Variants in NPTN observed in about 807,000 individuals in gnomAD.
The protein encoded by NPTN is neuroplastin, also known as SDR-1.
In NPTN, 5 loss-of-function variants were observed where a neutral mutation model predicts 42.7. That is an observed-to-expected ratio of 0.12 (90% confidence interval 0.06 to 0.25). The LOEUF is 0.25. Ranked by LOEUF, NPTN falls within the 10% of genes least tolerant of loss-of-function variation. The pLI is 1.00. For missense variants in NPTN, 307 were observed against 525.4 expected (o/e 0.58, Z 4.06); for synonymous variants, 180 against 201.9 (o/e 0.89, Z 0.92).
intron 1 of NPTN, among the ~76,000 whole-genome samples, chr15:73,605,534 A>T (rs1566980840): frequency 6.6e-6 from 1 of 151,716 alleles, no homozygotes; most frequent in Non-Finnish European, 1.5e-5. Context: ...TTTGAGACCA[A>T]CCTGAACGAC....
chr15:73,570,754 G>A lies in NPTN; in HGVS notation c.841-331C>T, dbSNP rs144295110. On this transcript the variant is annotated intron_variant, in intron 5 of 8. Transcript: ENST00000345330. This position sits in a 1 kb window ranked among gnomAD's most constrained non-coding sequence, Gnocchi z 4.0. The stretch of plus-strand genomic sequence containing the variant: ...TAAGAAACCACAGCAGAAAGAGGAC[G>A]GCAGAAGGAGGGGTACAACCCCTAC... 5.3e-5 allele frequency among the ~76,000 whole-genome samples: 8 copies of A among 152,248 alleles called. 1 individual carries two copies. The highest frequency in any genetic ancestry group is 7.4e-5 in the Non-Finnish European group (5 of 68,018).
Position 73,633,341 on chromosome 15 carries a change from G to A in NPTN, c.-126C>T, listed in dbSNP as rs1181360185. On this transcript the variant is annotated 5_prime_UTR_variant, in exon 1 of 9. Transcript: ENST00000345330. Reference sequence around the variant, plus strand: ...TGAGCGAGGGAGGCAGCCGCGGCTCGGCTCCGTCCTTCCCCGTCCTCCTCC... The same window carrying A: ...TGAGCGAGGGAGGCAGCCGCGGCTCAGCTCCGTCCTTCCCCGTCCTCCTCC... The A allele has an allele frequency of 4.5e-6, 3 of 664,932 alleles. No homozygotes were observed. Among genetic ancestry groups the A allele is most frequent in the African/African-American group, 1.9e-5 (1 of 52,772 alleles). 41.2% of individuals were successfully genotyped at this position (664,932 alleles called of 1,614,324 possible).
At chr15:73,561,823 T>G (rs1033702854) in intron 8 of NPTN, 73 bp downstream of exon 8, 6 of 1,126,374 alleles carry the variant, frequency 5.3e-6, no homozygotes, top group Non-Finnish European at 8.0e-6. Context: ...TACTGAAGAA[T>G]TTGTAACAAG....
intron 1 of NPTN, among the ~76,000 whole-genome samples, chr15:73,605,107 G>GGGT (rs1566980472): frequency 6.9e-6 from 1 of 145,340 alleles, no homozygotes; most frequent in African/African-American, 2.8e-5. Context: ...CAAGGGGGGG[G>GGGT]GGGGAAAAGA....
intron 2 of NPTN, among the ~76,000 whole-genome samples, chr15:73,594,519 T>C (rs1276023336): frequency 6.6e-6 from 1 of 152,202 alleles, no homozygotes; most frequent in Admixed American, 6.5e-5. Flanking sequence ...TAGGGTAACC[T>C]GCCTCCTGTG....
chr15:73,569,566 C>A lies in NPTN; in HGVS notation c.1114+584G>T, dbSNP rs1430759140. The A allele has an allele frequency of 1.0e-6, 1 of 985,316 alleles. No individual in the cohort carries two copies. Among genetic ancestry groups the A allele is most frequent in the Non-Finnish European group, 1.2e-6 (1 of 829,944 alleles). 61.0% of individuals were successfully genotyped at this position (985,316 alleles called of 1,614,324 possible). A position where few individuals can be genotyped will look rare whatever the true frequency, so the allele number is the denominator to read the frequency against. ...GAGACACAGATGGAAAGCCACCCAG[C>A]AGAGAGCGCTGGAAACCTATCAAAG... On this transcript the variant is annotated intron_variant, in intron 6 of 8. Coordinates refer to ENST00000345330, the MANE Select transcript of NPTN (RefSeq NM_012428.4). The surrounding 1 kb of genome is among the most constrained non-coding windows in gnomAD (Gnocchi z 4.1).
intron 1 of NPTN, among the ~76,000 whole-genome samples, chr15:73,609,834 AT>A (rs1897485039): frequency 6.6e-6 from 1 of 152,196 alleles, no homozygotes; most frequent in Non-Finnish European, 1.5e-5. Flanking sequence ...TATATATACA[AT>A]GTGTAATGAT....
chr15:73,575,905 TA>T (rs1895669246), intron 4 of NPTN, among the ~76,000 whole-genome samples: 1 of 152,200 alleles, frequency 6.6e-6, no homozygotes, highest in South Asian at 2.1e-4. Flanking sequence ...GTTTTCTAGA[TA>T]GTACGTTTCA....
chr15:73,578,229 A>G lies in NPTN; in HGVS notation c.707-4434T>C, dbSNP rs183317460. Among the ~76,000 whole-genome samples the G allele has an allele frequency of 1.5e-4, 23 of 152,210 alleles. 1 individual carries two copies. The East Asian group carries it at 4.5e-3, about 29-fold the overall frequency. On this transcript the variant is annotated intron_variant, in intron 4 of 8. Transcript: ENST00000345330. ...GAGTCAGCCGGGAAGCCACTGGTGA[A>G]TACTATGTGCAGGTATAAAATGATG...
At chr15:73,632,307 A>C (rs1898792793) in intron 1 of NPTN, among the ~76,000 whole-genome samples, 1 of 144,798 alleles carries the variant, frequency 6.9e-6, no homozygotes, top group Non-Finnish European at 1.5e-5. Flanking sequence ...TCTAATAAAT[A>C]TTCCCCCACC....
chr15:73,589,467 C>T (rs1246127344), intron 3 of NPTN, among the ~76,000 whole-genome samples: 1 of 152,162 alleles, frequency 6.6e-6, no homozygotes, highest in Non-Finnish European at 1.5e-5. Flanking sequence ...CTCTGGCCTA[C>T]AAGCACATAC....
At chr15:73,632,878 G>C in intron 1 of NPTN, 1 of 383,662 alleles carries the variant, frequency 2.6e-6, no homozygotes, top group Admixed American at 4.6e-5. Flanking sequence ...CCACGACGTG[G>C]AGCCTCCGAG....
intron 6 of NPTN, among the ~76,000 whole-genome samples, chr15:73,566,526 T>TA (rs1344831391): frequency 6.6e-6 from 1 of 152,242 alleles, no homozygotes; most frequent in African/African-American, 2.4e-5. Context: ...GTGAGGTCAC[T>TA]AAAATATCCA....
At chr15:73,573,403 A>C (rs1895515583) in intron 5 of NPTN, among the ~76,000 whole-genome samples, 1 of 152,196 alleles carries the variant, frequency 6.6e-6, no homozygotes, top group Admixed American at 6.5e-5. Flanking sequence ...CTTTAGAGCA[A>C]AGTGAGAATG....
At chr15:73,628,803 T>C (rs1022447783) in intron 1 of NPTN, among the ~76,000 whole-genome samples, 1 of 152,088 alleles carries the variant, frequency 6.6e-6, no homozygotes, top group African/African-American at 2.4e-5. Context: ...AAAATAAAGA[T>C]AATATAATGT....
intron 5 of NPTN, among the ~76,000 whole-genome samples, chr15:73,572,027 G>C (rs776565505): frequency 6.6e-6 from 1 of 152,188 alleles, no homozygotes; most frequent in African/African-American, 2.4e-5. Context: ...AGAAAGTTCA[G>C]TGTCTTGTAA....
At chr15:73,632,033 T>C (rs1233466412) in intron 1 of NPTN, among the ~76,000 whole-genome samples, 1 of 152,054 alleles carries the variant, frequency 6.6e-6, no homozygotes, top group Non-Finnish European at 1.5e-5. Context: ...AACTTTTAAA[T>C]CTCAAAAATC....
At chr15:73,614,948 C>G (rs1351072210) in intron 1 of NPTN, among the ~76,000 whole-genome samples, 1 of 152,052 alleles carries the variant, frequency 6.6e-6, no homozygotes, top group East Asian at 1.9e-4. Context: ...AATCAAATCC[C>G]TAATGTCAGT....
At chr15:73,568,461 G>A (rs894324121) in intron 6 of NPTN, 20 of 985,338 alleles carry the variant, frequency 2.0e-5, no homozygotes, top group Middle Eastern at 5.2e-4. Flanking sequence ...CAGGAATGAG[G>A]CATAACTGAT....
Sources: gnomAD v4.1 joint callset for allele counts (sites outside exome capture counted in the v4.1 genomes callset) on GRCh38, gnomAD v4.1.1 for gene constraint, Gnocchi (gnomAD v3.1) non-coding constraint, MANE v1.5 for transcripts, NCBI Gene and HGNC (gene_info 2026-07-23, HGNC 2026-07-21) for gene names.